ABCC1: variants seen among roughly 807,000 people sequenced by gnomAD.
The protein encoded by ABCC1 is ATP binding cassette subfamily C member 1 (ABCC1 blood group), also known as multidrug resistance-associated protein 1.
In ABCC1, 83 loss-of-function variants were observed where a neutral mutation model predicts 172.9. That is an observed-to-expected ratio of 0.48 (90% CI 0.40 to 0.58). ABCC1 has a LOEUF of 0.58. ABCC1 is among the 20% of genes least tolerant of loss of function. The pLI is 0.00. For missense variants in ABCC1, 1,817 were observed against 2,002.7 expected (o/e 0.91, Z 1.77); for synonymous variants, 937 against 825.2 (o/e 1.14, Z -2.32).
chr16:15,975,535 G>C (rs904479372), intron 1 of ABCC1, among the ~76,000 whole-genome samples: 1 of 143,814 alleles, frequency 7.0e-6, no homozygotes, highest in Non-Finnish European at 1.5e-5. Context: ...TTTATGTTTT[G>C]TGGTGGTTTT....
At chr16:16,121,734 C>T (rs180806676) in intron 23 of ABCC1, among the ~76,000 whole-genome samples, 21 of 152,304 alleles carry the variant, frequency 1.4e-4, no homozygotes, top group African/African-American at 2.2e-4. Flanking sequence ...CTGCTTAGAA[C>T]GATGCCTGGG....
At chr16:16,119,792 T>C (rs1014195445) in intron 23 of ABCC1, among the ~76,000 whole-genome samples, 1 of 152,110 alleles carries the variant, frequency 6.6e-6, no homozygotes, top group African/African-American at 2.4e-5. Flanking sequence ...AGTGAACAGG[T>C]AACACACTTG....
chr16:15,988,615 G>A (rs909533891), intron 1 of ABCC1, among the ~76,000 whole-genome samples: 3 of 152,196 alleles, frequency 2.0e-5, no homozygotes, highest in African/African-American at 7.2e-5. Flanking sequence ...ACGAGGGTGA[G>A]TGTCAGCTTC....
At position 15,950,400 on chromosome 16, in the gene ABCC1, G is replaced by A. The variant is rs215109; in HGVS notation, c.48+601G>A. Among the ~76,000 whole-genome samples the A allele has an allele frequency of 6.1e-4, 93 of 152,206 alleles. 3 individuals carry two copies. The East Asian group carries it at 0.014, about 23-fold the overall frequency. On this transcript the variant is annotated intron_variant, in intron 1 of 30. Coordinates refer to ENST00000399410, the MANE Select transcript of ABCC1 (RefSeq NM_004996.4). ...GTTTGGGGGAACCAGGGAAGAAGGGGGATGTCCACCCTTGATGTGCCCTAC... is the reference window on the plus strand; with the variant it reads ...GTTTGGGGGAACCAGGGAAGAAGGGAGATGTCCACCCTTGATGTGCCCTAC...
intron 24 of ABCC1, 72 bp from the exon 25 acceptor site, chr16:16,124,717 C>A: frequency 3.1e-6 from 5 of 1,603,328 alleles, no homozygotes; most frequent in South Asian, 1.1e-5. Flanking sequence ...CCTTCCTCCC[C>A]CAAGAGCTGT....
At chr16:15,966,377 A>G (rs1478728652) in intron 1 of ABCC1, among the ~76,000 whole-genome samples, 1 of 148,774 alleles carries the variant, frequency 6.7e-6, no homozygotes, top group African/African-American at 2.5e-5. Flanking sequence ...GTGCCACTGC[A>G]CTCCAGCCTG....
At chr16:16,104,818 G>A (rs1044792334) in intron 20 of ABCC1, among the ~76,000 whole-genome samples, 3 of 152,174 alleles carry the variant, frequency 2.0e-5, no homozygotes, top group Non-Finnish European at 4.4e-5. Flanking sequence ...CCTGCCCCGC[G>A]GGGAGGCAGC....
At chr16:16,003,791 G>A (rs1437324885) in intron 1 of ABCC1, among the ~76,000 whole-genome samples, 1 of 80,326 alleles carries the variant, frequency 1.2e-5, no homozygotes. Context: ...ATGAACTGGT[G>A]GGTGGGTGGA....
At chr16:16,067,716 T>C (rs2050165000) in intron 12 of ABCC1, among the ~76,000 whole-genome samples, 1 of 152,198 alleles carries the variant, frequency 6.6e-6, no homozygotes. Context: ...CATGGGCCGA[T>C]GGCCAGATGG....
chr16:15,988,406 T>C (rs1246328802), intron 1 of ABCC1, among the ~76,000 whole-genome samples: 1 of 152,140 alleles, frequency 6.6e-6, no homozygotes, highest in African/African-American at 2.4e-5. Flanking sequence ...GGAACCGTGC[T>C]CTGTAAATGG....
Position 16,125,039 on chromosome 16 carries a change from G to A in ABCC1, c.3717+124G>A, listed in dbSNP as rs535644016. The A allele has an allele frequency of 2.5e-4, 352 of 1,434,006 alleles. 1 individual carries two copies. The highest frequency in any genetic ancestry group is 2.9e-4 in the Non-Finnish European group (308 of 1,049,676). 88.8% of individuals were successfully genotyped at this position (1,434,006 alleles called of 1,614,324 possible). A position where few individuals can be genotyped will look rare whatever the true frequency, so the allele number is the denominator to read the frequency against. On this transcript the variant is annotated intron_variant, in intron 25 of 30. Transcript: ENST00000399410. ...GGAACTTGAGAGGTACGGAGTTTGA[G>A]GAGCAGGTACAGTGCCACAGTGCCT...
rs1412649423 is a variant in ABCC1 at position 16,141,241 on chromosome 16, G to C, written c.4556G>C (p.Gly1519Ala). 1.2e-6 allele frequency: 2 copies of C among 1,614,092 alleles called. No homozygotes were observed. The highest frequency in any genetic ancestry group is 8.5e-7 in the Non-Finnish European group (1 of 1,180,028). ...GAPSDLLQQR[G>A]LFYSMAKDAG... ...CCATCGGACCTCCTGCAGCAGAGAG[G>C]TCTTTTCTACAGCATGGCCAAAGAC... The change falls in exon 31 of 31, where the codon GGT (glycine) becomes GCT (alanine). Residue 1519 changes from glycine to alanine, a missense_variant. Physicochemically the swap from Gly to Ala is moderately conservative, Grantham distance 60 (BLOSUM62 0). This residue lies in a region of ABCC1 where 1,412 missense variants were observed against 1,600.3 expected (regional missense o/e 0.88). Transcript: ENST00000399410.
chr16:16,117,943 T>C (rs1284264700), intron 23 of ABCC1, among the ~76,000 whole-genome samples: 1 of 152,062 alleles, frequency 6.6e-6, no homozygotes, highest in Non-Finnish European at 1.5e-5. Flanking sequence ...AAAGGAGAAA[T>C]TGTGTAGGCA....
Position 16,004,086 on chromosome 16 carries a change from G to T in ABCC1, c.49-3730G>T, listed in dbSNP as rs116273600. On this transcript the variant is annotated intron_variant, in intron 1 of 30. Transcript: ENST00000399410. ...AAATATATCCATGGGTATACATATG[G>T]ATGTGTACATAGATAATTCTCTGGC... Among the ~76,000 whole-genome samples the T allele has an allele frequency of 4.9e-3, 743 of 152,176 alleles. 10 individuals carry two copies. Among genetic ancestry groups the T allele is most frequent in the African/African-American group, 0.017 (716 of 41,498 alleles).
At chr16:15,965,333 C>T (rs1051181342) in intron 1 of ABCC1, among the ~76,000 whole-genome samples, 1 of 151,858 alleles carries the variant, frequency 6.6e-6, no homozygotes, top group Non-Finnish European at 1.5e-5. Context: ...GTTCTGTCGC[C>T]CAGGCTGAAG....
chr16:16,085,873 T>C (rs1242592388), intron 17 of ABCC1, among the ~76,000 whole-genome samples: 2 of 152,110 alleles, frequency 1.3e-5, no homozygotes, highest in Non-Finnish European at 2.9e-5. Flanking sequence ...CAGTAACCTG[T>C]GATTTCCAGC....
chr16:16,007,964 A>G lies in ABCC1; in HGVS notation c.197A>G (p.Gln66Arg). The G allele has an allele frequency of 2.8e-6, 4 of 1,410,852 alleles. No homozygotes were observed. Among genetic ancestry groups the G allele is most frequent in the Non-Finnish European group, 2.8e-6 (3 of 1,056,898 alleles). The allele number at this position is 1,410,852 out of a possible 1,614,324, so 87.4% of individuals were successfully genotyped here. A position where few individuals can be genotyped will look rare whatever the true frequency, so the allele number is the denominator to read the frequency against. ...TCCCGACATGACCGAGGCTACATTC[A>G]GATGACACCTCTCAACAAAACCAAA... ...YLSRHDRGYI[Q>R]MTPLNKTKTA... Residue 66 changes from glutamine to arginine, a missense_variant, in exon 2 of 31, where the codon CAG becomes CGG. Around this residue, in one of 3 missense-constraint regions of ABCC1, gnomAD observed 398 missense variants for 384.2 expected, o/e 1.04. Transcript: ENST00000399410.
At chr16:16,057,236 A>G (rs893084537) in intron 12 of ABCC1, among the ~76,000 whole-genome samples, 21 of 150,776 alleles carry the variant, frequency 1.4e-4, no homozygotes, top group African/African-American at 4.9e-4. Context: ...GTGCATGCCT[A>G]TATTCCCAGC....
intron 14 of ABCC1, among the ~76,000 whole-genome samples, chr16:16,074,873 T>C (rs1051502270): frequency 6.6e-6 from 1 of 152,162 alleles, no homozygotes; most frequent in African/African-American, 2.4e-5. Flanking sequence ...AAACAAAAAA[T>C]ACTCCTGTAT....
Sources: gnomAD v4.1 joint callset for allele counts (sites outside exome capture counted in the v4.1 genomes callset) on GRCh38, gnomAD v4.1.1 for gene constraint, gnomAD v4.1.1 regional missense constraint, MANE v1.5 for transcripts, NCBI Gene and HGNC (gene_info 2026-07-23, HGNC 2026-07-21) for gene names.